Variants in USP34 observed in about 807,000 individuals in gnomAD.
USP34 encodes ubiquitin carboxyl-terminal hydrolase 34.
A neutral mutation model predicts 460.3 loss-of-function variants in USP34; 70 were observed. The ratio of observed to expected loss-of-function variants is 0.15; its 90% CI spans 0.13 to 0.19. USP34 has a LOEUF of 0.19. Among genes scored for constraint, USP34 ranks in the 10% least tolerant of loss-of-function variants. The probability of loss-of-function intolerance (pLI) is 1.00; values close to 1 mark genes in which losing one functional copy is unlikely to be tolerated. For missense variants in USP34, 3,985 were observed against 4,236.2 expected (o/e 0.94, Z 1.65); for synonymous variants, 1,647 against 1,405.3 (o/e 1.17, Z -3.85).
chr2:61,456,866 T>TA (rs2104086133), intron 1 of USP34, among the ~76,000 whole-genome samples: 1 of 151,988 alleles, frequency 6.6e-6, no homozygotes, highest in African/African-American at 2.4e-5. Context: ...TAGTCCCAGC[T>TA]ACTATGGAAG....
intron 47 of USP34, 94 bp downstream of exon 47, chr2:61,256,779 A>T (rs1688734522): frequency 1.0e-6 from 1 of 962,390 alleles, no homozygotes; most frequent in Non-Finnish European, 1.5e-6. Flanking sequence ...AAAACATGAA[A>T]AAAGTTTAAA....
intron 27 of USP34, among the ~76,000 whole-genome samples, chr2:61,306,621 G>A (rs538000176): frequency 2.0e-5 from 3 of 152,144 alleles, no homozygotes; most frequent in Non-Finnish European, 2.9e-5. Context: ...GGTAGCTTGA[G>A]GGGATGGCAC....
intron 5 of USP34, among the ~76,000 whole-genome samples, chr2:61,388,325 T>C (rs1293854497): frequency 6.6e-6 from 1 of 151,728 alleles, no homozygotes; most frequent in Non-Finnish European, 1.5e-5. Context: ...TTGGCAAGGA[T>C]ATGCAACTAG....
intron 50 of USP34, 110 bp from the exon 51 acceptor site, chr2:61,245,398 G>T: frequency 9.3e-6 from 5 of 539,556 alleles, no homozygotes; most frequent in South Asian, 5.6e-5. Flanking sequence ...TATTTCATGA[G>T]GTAAATTCTA....
rs751152177 is a variant in USP34, at chr2:61,214,462, A to C, written c.8280T>G (p.Thr2760=). The change falls in exon 68 of 80, where the codon ACT becomes ACG. Residue 2760 remains threonine, a synonymous_variant. Coordinates refer to ENST00000398571, the MANE Select transcript of USP34 (RefSeq NM_014709.4). Reference sequence around the variant, plus strand: ...TCTCAGTTTTGGAAATTAAACAGTAAGTCATAAAGCTAAAATAGGGCACTA... The same window carrying C: ...TCTCAGTTTTGGAAATTAAACAGTACGTCATAAAGCTAAAATAGGGCACTA... The part of the protein sequence containing the change: ...TKLVPYFSFM[T]YCLISKTEKL... The C allele has an allele frequency of 3.8e-5, 62 of 1,614,102 alleles. No individual in the cohort carries two copies. Among genetic ancestry groups the C allele is most frequent in the Non-Finnish European group, 7.6e-6 (9 of 1,180,046 alleles).
At chr2:61,189,288 T>C (rs1014701008) in intron 78 of USP34, 28 of 479,686 alleles carry the variant, frequency 5.8e-5, no homozygotes, top group Non-Finnish European at 8.8e-5. Flanking sequence ...TTTTTGTTTT[T>C]TTTGAGATGG....
intron 21 of USP34, among the ~76,000 whole-genome samples, chr2:61,319,920 TG>T (rs1690864443): frequency 2.0e-5 from 3 of 152,206 alleles, no homozygotes; most frequent in Non-Finnish European, 4.4e-5. Context: ...GGAATAAATG[TG>T]AGCTATATAT....
intron 3 of USP34, among the ~76,000 whole-genome samples, chr2:61,397,513 C>A (rs966470600): frequency 6.6e-6 from 1 of 152,036 alleles, no homozygotes; most frequent in Admixed American, 6.6e-5. Flanking sequence ...CACTTAGAAT[C>A]CCAGCACTTT....
At chr2:61,213,149 G>T (rs1184090506) in intron 68 of USP34, among the ~76,000 whole-genome samples, 2 of 152,054 alleles carry the variant, frequency 1.3e-5, no homozygotes, top group Non-Finnish European at 2.9e-5. Flanking sequence ...CCAAGCAGCT[G>T]CGACTATAGG....
intron 3 of USP34, among the ~76,000 whole-genome samples, chr2:61,402,989 T>C (rs1380903523): frequency 1.3e-5 from 2 of 152,150 alleles, no homozygotes; most frequent in African/African-American, 4.8e-5. Flanking sequence ...TTTAGAGCAC[T>C]TGTAACAGAT....
rs61200102 is a variant in USP34 at position 61,385,671 on chromosome 2, CAAAAAAAA to C, written c.754-2343_754-2336del. Reference sequence around the variant, plus strand: ...TGGGCAACAAAGCAAGACTCTGTCTCAAAAAAAAAAAAAAAAAAAAAAAGAAATACGAC... The same window carrying C: ...TGGGCAACAAAGCAAGACTCTGTCTCAAAAAAAAAAAAAAAGAAATACGAC... On this transcript the variant is annotated intron_variant, in intron 5 of 79. Transcript: ENST00000398571. Among the ~76,000 whole-genome samples, 14 of 46,004 alleles carry C rather than the reference CAAAAAAAA, an allele frequency of 3.0e-4. No homozygotes were observed. In the South Asian group the frequency reaches 4.0e-3, roughly 13 times the overall value. 30.2% of individuals were successfully genotyped at this position (46,004 alleles called of 152,430 possible).
intron 34 of USP34, among the ~76,000 whole-genome samples, chr2:61,285,455 C>G (rs1343715253): frequency 2.8e-5 from 4 of 145,186 alleles, no homozygotes; most frequent in Non-Finnish European, 6.0e-5. Context: ...CCACTGCACT[C>G]CAGCCTGAAC....
rs116721756 is a variant in USP34, at chr2:61,275,691, T to C, written c.5433+2474A>G. Among the ~76,000 whole-genome samples, 961 of 152,116 alleles carry C rather than the reference T, an allele frequency of 6.3e-3. 9 individuals are homozygous for C. Among genetic ancestry groups the C allele is most frequent in the African/African-American group, 0.021 (891 of 41,488 alleles). The stretch of plus-strand genomic sequence containing the variant: ...AAGATAGGTGAAAAAAAGCAAAGTA[T>C]AGAACACTGTGTTTAATGTGTTATC... On this transcript the variant is annotated intron_variant, in intron 41 of 79. Coordinates refer to ENST00000398571, the MANE Select transcript of USP34 (RefSeq NM_014709.4).
chr2:61,193,734 A>C (rs1686709559), intron 75 of USP34, among the ~76,000 whole-genome samples: 1 of 152,176 alleles, frequency 6.6e-6, no homozygotes. Flanking sequence ...AAGTATAATC[A>C]TGGAGAAGAA....
chr2:61,462,186 C>T (rs1239062814), intron 1 of USP34, among the ~76,000 whole-genome samples: 1 of 151,310 alleles, frequency 6.6e-6, no homozygotes, highest in Non-Finnish European at 1.5e-5. Flanking sequence ...TTGCAGTGAG[C>T]CAAGATCAGG....
chr2:61,194,268 C>G (rs546426316), intron 75 of USP34: 1 of 985,388 alleles, frequency 1.0e-6, no homozygotes, highest in Non-Finnish European at 1.2e-6. Flanking sequence ...CCCCTTTATC[C>G]TAACCTAATC....
chr2:61,332,789 A>G (rs1691310242), intron 19 of USP34, among the ~76,000 whole-genome samples: 1 of 151,126 alleles, frequency 6.6e-6, no homozygotes, highest in South Asian at 2.1e-4. Flanking sequence ...TTCTTACTGT[A>G]GTATTAACCA....
chr2:61,253,612 A>T (rs548859925), intron 48 of USP34, among the ~76,000 whole-genome samples: 1 of 152,310 alleles, frequency 6.6e-6, no homozygotes, highest in South Asian at 2.1e-4. Flanking sequence ...CAATTTTAGT[A>T]TCTTATTGTA....
intron 10 of USP34, among the ~76,000 whole-genome samples, chr2:61,354,577 C>T (rs1362549595): frequency 6.6e-6 from 1 of 152,146 alleles, no homozygotes; most frequent in Non-Finnish European, 1.5e-5. Context: ...TAGTTCCAGC[C>T]TCCCGCTGCT....
Sources: gnomAD v4.1 joint callset for allele counts (sites outside exome capture counted in the v4.1 genomes callset) on GRCh38, gnomAD v4.1.1 for gene constraint, MANE v1.5 for transcripts, NCBI Gene and HGNC (gene_info 2026-07-23, HGNC 2026-07-21) for gene names.